Variants in ST18 observed in about 807,000 individuals in gnomAD.
The protein encoded by ST18 is suppression of tumorigenicity 18 protein.
In ST18, 50 loss-of-function variants were observed where a neutral mutation model predicts 110.0. The observed-to-expected ratio is 0.45, with a 90% CI of 0.36 to 0.58. The LOEUF is 0.58. ST18 is among the 20% of genes least tolerant of loss of function. The pLI, the probability that ST18 is intolerant of heterozygous loss-of-function variation, is 0.00. For missense variants in ST18, 1,306 were observed against 1,280.1 expected, an observed-to-expected ratio of 1.02 and a Z score of -0.31; for synonymous variants, 461 against 452.4, an observed-to-expected ratio of 1.02 and a Z score of -0.24.
At chr8:52,142,313 A>AT (rs111934507) in intron 17 of ST18, among the ~76,000 whole-genome samples, 1 of 152,086 alleles carries the variant, frequency 6.6e-6, no homozygotes, top group African/African-American at 2.4e-5. Flanking sequence ...GTTTAAACAT[A>AT]TTTTTTGATG....
At chr8:52,299,469 T>C (rs1017055995) in intron 2 of ST18, among the ~76,000 whole-genome samples, 17 of 152,326 alleles carry the variant, frequency 1.1e-4, no homozygotes, top group East Asian at 3.9e-4. Flanking sequence ...TATTTTCAAG[T>C]CTCTCTTTTT....
intron 10 of ST18, among the ~76,000 whole-genome samples, chr8:52,169,863 T>C (rs959158907): frequency 6.6e-6 from 1 of 152,156 alleles, no homozygotes; most frequent in African/African-American, 2.4e-5. Context: ...CACTAGGATA[T>C]ACCGCTGAGT....
intron 2 of ST18, among the ~76,000 whole-genome samples, chr8:52,314,733 A>G (rs1200741064): frequency 2.0e-5 from 3 of 152,104 alleles, no homozygotes; most frequent in Non-Finnish European, 4.4e-5. Flanking sequence ...CCTGGCCCCA[A>G]CCAGAGCCTC....
At chr8:52,314,523 A>T (rs2095986431) in intron 2 of ST18, among the ~76,000 whole-genome samples, 1 of 152,220 alleles carries the variant, frequency 6.6e-6, no homozygotes, top group African/African-American at 2.4e-5. Flanking sequence ...CTAACTCCAG[A>T]GTAGACCAGA....
intron 2 of ST18, among the ~76,000 whole-genome samples, chr8:52,282,577 TC>T (rs2095402383): frequency 6.6e-6 from 1 of 152,112 alleles, no homozygotes; most frequent in Admixed American, 6.5e-5. Context: ...TGTAGGGACC[TC>T]CCTGGCACCC....
intron 2 of ST18, among the ~76,000 whole-genome samples, chr8:52,297,991 T>C (rs2095660162): frequency 6.6e-6 from 1 of 152,250 alleles, no homozygotes; most frequent in African/African-American, 2.4e-5. Context: ...TGTTATCTTC[T>C]ATAACCTCAT....
At chr8:52,234,346 C>A (rs2092233236) in intron 2 of ST18, among the ~76,000 whole-genome samples, 2 of 152,010 alleles carry the variant, frequency 1.3e-5, no homozygotes, top group African/African-American at 4.8e-5. Context: ...CTCACTGCAA[C>A]CTCCGCCCCC....
chr8:52,121,165 C>T (rs1185695774), intron 23 of ST18, among the ~76,000 whole-genome samples: 1 of 152,106 alleles, frequency 6.6e-6, no homozygotes, highest in Non-Finnish European at 1.5e-5. Context: ...CGCTGAGGGC[C>T]AATGTTCCTG....
intron 2 of ST18, among the ~76,000 whole-genome samples, chr8:52,270,287 A>G (rs769336024): frequency 2.6e-5 from 4 of 152,180 alleles, no homozygotes; most frequent in Non-Finnish European, 4.4e-5. Flanking sequence ...ACGTCAACAC[A>G]CTTAATTTCA....
intron 24 of ST18, 60 bp from the exon 25 acceptor site, chr8:52,116,478 T>G: frequency 6.5e-7 from 1 of 1,539,566 alleles, no homozygotes; most frequent in East Asian, 2.3e-5. Context: ...GTAAAAGGTT[T>G]CTCCCTGAAG....
intron 2 of ST18, among the ~76,000 whole-genome samples, chr8:52,374,383 T>C (rs1299949656): frequency 6.6e-6 from 1 of 152,070 alleles, no homozygotes; most frequent in African/African-American, 2.4e-5. Flanking sequence ...CCGCCAGCAG[T>C]GGGAGAGGCA....
At chr8:52,190,276 A>G (rs545399181) in intron 8 of ST18, among the ~76,000 whole-genome samples, 1 of 152,344 alleles carries the variant, frequency 6.6e-6, no homozygotes, top group South Asian at 2.1e-4. Context: ...CATTATGTAT[A>G]TGCAAATATT....
At chr8:52,151,026 A>G (rs2058681655) in intron 15 of ST18, 1 of 152,154 alleles carries the variant, frequency 6.6e-6, no homozygotes. Context: ...CCTTTCTGGT[A>G]TTTTCGCCAT....
intron 2 of ST18, among the ~76,000 whole-genome samples, chr8:52,342,911 C>T (rs984292916): frequency 6.6e-6 from 1 of 152,022 alleles, no homozygotes; most frequent in Non-Finnish European, 1.5e-5. Context: ...AAGTGTCATA[C>T]AAAAGTGAAT....
rs576417523 is a variant in ST18 at position 52,340,917 on chromosome 8, T to G, written c.-465+68411A>C. 1.4e-4 allele frequency among the ~76,000 whole-genome samples: 22 copies of G among 152,332 alleles called. No homozygotes were observed. In the South Asian group the frequency reaches 4.3e-3, roughly 30 times the overall value. On this transcript the variant is annotated intron_variant, in intron 2 of 25. Transcript: ENST00000689386. ...TCCAAGAAACGTTTCACAAAAGAACTTAGAGTTTCTATGCCTCTTTCCTGA... is the reference window on the plus strand; with the variant it reads ...TCCAAGAAACGTTTCACAAAAGAACGTAGAGTTTCTATGCCTCTTTCCTGA...
chr8:52,382,988 C>G (rs952975698), intron 2 of ST18, among the ~76,000 whole-genome samples: 6 of 152,104 alleles, frequency 3.9e-5, no homozygotes, highest in African/African-American at 1.4e-4. Flanking sequence ...TTCCAGTAAA[C>G]CTTTCTATCG....
chr8:52,140,460 C>A, intron 17 of ST18, among the ~76,000 whole-genome samples: 1 of 151,870 alleles, frequency 6.6e-6, no homozygotes, highest in East Asian at 1.9e-4. Flanking sequence ...GGAGGTGGAG[C>A]TTGCAGTGAG....
At position 52,304,787 on chromosome 8, in the gene ST18, T is replaced by C. The variant is rs150625567; in HGVS notation, c.-464-74710A>G. On this transcript the variant is annotated intron_variant, in intron 2 of 25. Coordinates refer to ENST00000689386, the MANE Select transcript of ST18 (RefSeq NM_001352837.2). ...GAATAGCCAACGTCTGGGAAGGGCC[T>C]ACTCCCTGGTTCCTAGACGTCCATC... Among the ~76,000 whole-genome samples the C allele has an allele frequency of 6.0e-3, 918 of 152,298 alleles. 5 individuals are homozygous for C. The highest frequency in any genetic ancestry group is 0.021 in the African/African-American group (870 of 41,564).
At chr8:52,381,413 TAGAC>T (rs1318910340) in intron 2 of ST18, among the ~76,000 whole-genome samples, 2 of 152,198 alleles carry the variant, frequency 1.3e-5, no homozygotes, top group South Asian at 2.1e-4. Flanking sequence ...GCCTCCCAAA[TAGAC>T]AGAAACCCTT....
Sources: gnomAD v4.1 joint callset for allele counts (sites outside exome capture counted in the v4.1 genomes callset) on GRCh38, gnomAD v4.1.1 for gene constraint, MANE v1.5 for transcripts, NCBI Gene and HGNC (gene_info 2026-07-23, HGNC 2026-07-21) for gene names.